Variants in SCAMP2 observed in about 807,000 individuals in gnomAD.
The protein encoded by SCAMP2 is secretory carrier membrane protein 2.
Under a neutral mutation model 44.1 loss-of-function variants are expected in SCAMP2, and 25 were observed. The ratio of observed to expected loss-of-function variants is 0.57; its 90% CI spans 0.41 to 0.79. The LOEUF is 0.79. Among genes scored for constraint, SCAMP2 ranks in the 30% least tolerant of loss-of-function variants. The probability of loss-of-function intolerance (pLI) is 0.00; values close to 1 mark genes in which losing one functional copy is unlikely to be tolerated. For missense variants in SCAMP2, 355 were observed against 411.0 expected (o/e 0.86, Z 1.18); for synonymous variants, 156 against 166.0 (o/e 0.94, Z 0.46).
chr15:74,860,702 A>G (rs1436641638), intron 1 of SCAMP2, among the ~76,000 whole-genome samples: 1 of 150,060 alleles, frequency 6.7e-6, no homozygotes, highest in Non-Finnish European at 1.5e-5. Flanking sequence ...AAAAAAAAAA[A>G]AAAAGCCAGG....
intron 6 of SCAMP2, among the ~76,000 whole-genome samples, chr15:74,849,735 C>T (rs1223986767): frequency 6.6e-6 from 1 of 152,152 alleles, no homozygotes; most frequent in Non-Finnish European, 1.5e-5. Context: ...CAGAGCGAGA[C>T]TCCCTCTCAA....
Position 74,844,876 on chromosome 15 carries a change from T to G in SCAMP2, c.*207A>C. The stretch of plus-strand genomic sequence containing the variant: ...CCATCACCAGAGAAGGAAAGAGAGC[T>G]TTGTTTTTTTTTGTACATAGAGGGG... On this transcript the variant is annotated 3_prime_UTR_variant, in exon 9 of 9. Transcript: ENST00000268099. The G allele has an allele frequency of 1.8e-6, 1 of 548,230 alleles. No individual in the cohort carries two copies. Among genetic ancestry groups the G allele is most frequent in the Non-Finnish European group, 3.2e-6 (1 of 311,106 alleles). The allele number at this position is 548,230 out of a possible 1,614,324, so 34.0% of individuals were successfully genotyped here. A position where few individuals can be genotyped will look rare whatever the true frequency, so the allele number is the denominator to read the frequency against.
rs180772632 is a variant in SCAMP2 at position 74,870,499 on chromosome 15, A to G, written c.57+2700T>C. Among the ~76,000 whole-genome samples the G allele has an allele frequency of 1.1e-3, 161 of 152,312 alleles. 2 individuals are homozygous for G. Among genetic ancestry groups the G allele is most frequent in the Admixed American group, 9.4e-3 (144 of 15,294 alleles). ...AGGCTACAAGATCCTACTAAAACCCAAACCCCAGTATTATACAGCAGTTTT... is the reference window on the plus strand; with the variant it reads ...AGGCTACAAGATCCTACTAAAACCCGAACCCCAGTATTATACAGCAGTTTT... On this transcript the variant is annotated intron_variant, in intron 1 of 8. Coordinates refer to ENST00000268099, the MANE Select transcript of SCAMP2 (RefSeq NM_005697.5).
intron 1 of SCAMP2, among the ~76,000 whole-genome samples, chr15:74,861,276 T>C (rs906223962): frequency 1.3e-5 from 2 of 152,136 alleles, no homozygotes; most frequent in African/African-American, 4.8e-5. Flanking sequence ...TGAAGTCCTA[T>C]TGGCTTTGGA....
intron 7 of SCAMP2, among the ~76,000 whole-genome samples, chr15:74,845,878 C>A (rs936444426): frequency 1.3e-5 from 2 of 152,220 alleles, no homozygotes; most frequent in Non-Finnish European, 2.9e-5. Flanking sequence ...TAGCACCGGG[C>A]TGGGTGCTAT....
chr15:74,845,352 G>A (rs773085891), intron 8 of SCAMP2, 121 bp downstream of exon 8: 13 of 1,587,192 alleles, frequency 8.2e-6, no homozygotes, highest in African/African-American at 1.3e-5. Flanking sequence ...CTGGAGAAAG[G>A]TACTGGACCT....
At chr15:74,854,512 C>T in intron 2 of SCAMP2, 69 bp downstream of exon 2, 1 of 1,308,826 alleles carries the variant, frequency 7.6e-7, no homozygotes. Flanking sequence ...TGCCAAGGAT[C>T]CCTGCCCCGG....
intron 1 of SCAMP2, among the ~76,000 whole-genome samples, chr15:74,860,205 G>A (rs1212187585): frequency 2.6e-5 from 4 of 152,168 alleles, no homozygotes; most frequent in African/African-American, 9.7e-5. Flanking sequence ...GAGAACAGGA[G>A]TTTCAGACCA....
chr15:74,854,461 T>C (rs2064455237), intron 2 of SCAMP2, 120 bp downstream of exon 2: 2 of 843,022 alleles, frequency 2.4e-6, no homozygotes, highest in Non-Finnish European at 4.0e-6. Flanking sequence ...GTTAGGACTG[T>C]CCCTTTGAGG....
Position 74,845,195 on chromosome 15 carries a change from G to A in SCAMP2, c.878C>T (p.Thr293Ile). Residue 293 changes from threonine (T) to isoleucine (I), a missense_variant, in exon 9 of 9, where the codon ACA (threonine) becomes ATA (isoleucine). Physicochemically the swap from Thr to Ile is moderately conservative, Grantham distance 89. Transcript: ENST00000268099. ...LQRVHSLYRR[T>I]GASFQQAQEE... ...CTGGGCCTGCTGGAAGCTGGCCCCT[G>A]TCCGTCGGTAGAGGGAGTGCACCTG... 2 of 1,613,474 alleles carry A rather than the reference G, an allele frequency of 1.2e-6. No individual in the cohort carries two copies. The highest frequency in any genetic ancestry group is 1.7e-6 in the Non-Finnish European group (2 of 1,179,996).
chr15:74,860,505 A>T (rs930782055), intron 1 of SCAMP2, among the ~76,000 whole-genome samples: 1 of 151,776 alleles, frequency 6.6e-6, no homozygotes, highest in Non-Finnish European at 1.5e-5. Flanking sequence ...CCTGGCCAAG[A>T]TGGCAAAACC....
intron 1 of SCAMP2, among the ~76,000 whole-genome samples, 162 bp from the exon 2 acceptor site, chr15:74,854,811 C>T (rs2064457767): frequency 1.3e-5 from 2 of 152,200 alleles, no homozygotes; most frequent in Non-Finnish European, 2.9e-5. Flanking sequence ...TGCCACACCA[C>T]AGCTGCGGTC....
intron 6 of SCAMP2, 125 bp downstream of exon 6, chr15:74,850,389 A>G: frequency 1.1e-6 from 1 of 943,500 alleles, no homozygotes; most frequent in African/African-American, 1.7e-5. Context: ...GAATGTAGGG[A>G]AAGTGGATTT....
At chr15:74,857,008 G>A (rs1490004896) in intron 1 of SCAMP2, among the ~76,000 whole-genome samples, 1 of 152,214 alleles carries the variant, frequency 6.6e-6, no homozygotes, top group Non-Finnish European at 1.5e-5. Context: ...CAAAATGGGA[G>A]CTCTCTCCTT....
At position 74,845,464 on chromosome 15, in the gene SCAMP2, A is replaced by G; in HGVS notation, c.855+9T>C. Reference sequence around the variant, plus strand: ...CCCATTTGCTGTCAGCCCTGCCCACACCACTCACCCGCTGCAGGAGGAAGA... The same window carrying G: ...CCCATTTGCTGTCAGCCCTGCCCACGCCACTCACCCGCTGCAGGAGGAAGA... On this transcript the variant is annotated intron_variant, in intron 8 of 8. Coordinates refer to ENST00000268099, the MANE Select transcript of SCAMP2 (RefSeq NM_005697.5). 1 of 1,614,098 alleles carries G rather than the reference A, an allele frequency of 6.2e-7. No individual in the cohort carries two copies. Among genetic ancestry groups the G allele is most frequent in the Non-Finnish European group, 8.5e-7 (1 of 1,180,012 alleles).
intron 6 of SCAMP2, among the ~76,000 whole-genome samples, chr15:74,850,163 G>GAGA (rs1424180432): frequency 6.6e-6 from 1 of 152,194 alleles, no homozygotes; most frequent in Non-Finnish European, 1.5e-5. Context: ...GATACTACCA[G>GAGA]AGAAGCACAC....
At chr15:74,850,736 G>C (rs1596414905) in intron 5 of SCAMP2, 63 bp from the exon 6 acceptor site, 92 of 1,557,968 alleles carry the variant, frequency 5.9e-5, no homozygotes, top group African/African-American at 1.4e-5. Flanking sequence ...CTCCAATGTG[G>C]CAGCCACTCC....
chr15:74,861,083 G>T (rs1011909027), intron 1 of SCAMP2, among the ~76,000 whole-genome samples: 1 of 151,968 alleles, frequency 6.6e-6, no homozygotes, highest in African/African-American at 2.4e-5. Context: ...GCTGCAGCAG[G>T]AGAATCACTT....
rs1033001773 is a variant in SCAMP2 at position 74,873,042 on chromosome 15, C to T, written c.57+157G>A. 26 of 605,070 alleles carry T rather than the reference C, an allele frequency of 4.3e-5. No individual in the cohort carries two copies. In the African/African-American group the frequency reaches 4.7e-4, roughly 11 times the overall value. 37.5% of individuals were successfully genotyped at this position (605,070 alleles called of 1,614,324 possible). A position where few individuals can be genotyped will look rare whatever the true frequency, so the allele number is the denominator to read the frequency against. ...TCCACCTGCTGCTAGTCGCGCCCCT[C>T]ACGCGTTACGATAGGCCAGACCTCA... On this transcript the variant is annotated intron_variant, in intron 1 of 8. Transcript: ENST00000268099.
Sources: gnomAD v4.1 joint callset for allele counts (sites outside exome capture counted in the v4.1 genomes callset) on GRCh38, gnomAD v4.1.1 for gene constraint, MANE v1.5 for transcripts, NCBI Gene and HGNC (gene_info 2026-07-23, HGNC 2026-07-21) for gene names.